The following PPP1R10 variants were observed in gnomAD, a reference collection of about 807,000 sequenced individuals.
The protein encoded by PPP1R10 is protein phosphatase 1 regulatory subunit 10.
In PPP1R10, 15 loss-of-function variants were observed where a neutral mutation model predicts 99.0. The observed-to-expected ratio is 0.15, with a 90% confidence interval of 0.10 to 0.23. PPP1R10 has a LOEUF of 0.23. Ranked by LOEUF, PPP1R10 falls within the 10% of genes least tolerant of loss-of-function variation. The pLI is 1.00. For missense variants in PPP1R10, 947 were observed against 1,259.4 expected, an observed-to-expected ratio of 0.75 and a Z score of 3.75; for synonymous variants, 430 against 449.5, an observed-to-expected ratio of 0.96 and a Z score of 0.55.
In PPP1R10 at chr6:30,604,091, G is replaced by C. The variant is rs142325327; in HGVS notation, c.1425C>G (p.Thr475=). ...RPLVLPSPLV[T]PGSNSQERYI... ...ATCGCTCCTGACTATTGCTTCCAGG[G>C]GTGACAAGAGGTGAGGGCAGAACCA... Residue 475 remains threonine, a synonymous_variant, in exon 14 of 20, where the codon ACC becomes ACG. Coordinates refer to ENST00000376511, the MANE Select transcript of PPP1R10 (RefSeq NM_002714.4). This position sits in a 1 kb window ranked among gnomAD's most constrained non-coding sequence, Gnocchi z 7.3. The C allele has an allele frequency of 6.2e-7, 1 of 1,613,892 alleles. No individual in the cohort carries two copies. Among genetic ancestry groups the C allele is most frequent in the Non-Finnish European group, 8.5e-7 (1 of 1,179,956 alleles).
Position 30,609,024 on chromosome 6 carries a change from GCC to G in PPP1R10, c.194+51_194+52del. On this transcript the variant is annotated intron_variant, in intron 4 of 19. Coordinates refer to ENST00000376511, the MANE Select transcript of PPP1R10 (RefSeq NM_002714.4). This position sits in a 1 kb window ranked among gnomAD's most constrained non-coding sequence, Gnocchi z 4.5. Reference sequence around the variant, plus strand: ...TGACCGAGGAACCCCATGCCTCACCGCCCCATCTTTTCGCTACACCTTCCCAT... The same window carrying G: ...TGACCGAGGAACCCCATGCCTCACCGCCATCTTTTCGCTACACCTTCCCAT... 3 of 1,611,216 alleles carry G rather than the reference GCC, an allele frequency of 1.9e-6. No homozygotes were observed. Among genetic ancestry groups the G allele is most frequent in the Non-Finnish European group, 2.5e-6 (3 of 1,177,586 alleles).
Position 30,601,922 on chromosome 6 carries a change from G to A in PPP1R10, c.2713+14C>T, listed in dbSNP as rs1468269417. On this transcript the variant is annotated intron_variant, in intron 19 of 19. Transcript: ENST00000376511. ...ACAACCAAAAGGCATATGGGGGACA[G>A]GGAGCATCCTCACCTCCTCCATGGC... 2.0e-6 allele frequency: 3 copies of A among 1,498,028 alleles called. No individual in the cohort carries two copies. The Admixed American group carries it at 7.1e-5, about 36-fold the overall frequency. The allele number at this position is 1,498,028 out of a possible 1,614,324, so 92.8% of individuals were successfully genotyped here. A position where few individuals can be genotyped will look rare whatever the true frequency, so the allele number is the denominator to read the frequency against.
intron 16 of PPP1R10, 74 bp from the exon 17 acceptor site, chr6:30,603,359 T>C: frequency 1.3e-6 from 2 of 1,577,380 alleles, no homozygotes; most frequent in South Asian, 1.1e-5. Context: ...CGCCAAAGAT[T>C]AGGGGTAAGT....
In PPP1R10 at chr6:30,606,607, T is replaced by C; in HGVS notation, c.495A>G (p.Lys165=). Residue 165 remains lysine (K), a synonymous_variant, in exon 8 of 20, where the codon AAA becomes AAG. Coordinates refer to ENST00000376511, the MANE Select transcript of PPP1R10 (RefSeq NM_002714.4). The surrounding 1 kb of genome is among the most constrained non-coding windows in gnomAD (Gnocchi z 6.3). The part of the protein sequence containing the change: ...KDKKKRKDEG[K]SRTTLPERPL... ...GTCGCTCAGGAAGGGTAGTTCGACTTTTTCCTTCATCTTTACGTTTCTTCT... is the reference window on the plus strand; with the variant it reads ...GTCGCTCAGGAAGGGTAGTTCGACTCTTTCCTTCATCTTTACGTTTCTTCT... The C allele has an allele frequency of 6.2e-7, 1 of 1,614,180 alleles. No individual in the cohort carries two copies. Among genetic ancestry groups the C allele is most frequent in the South Asian group, 1.1e-5 (1 of 91,084 alleles).
chr6:30,607,165 G>C (rs1485567679), intron 6 of PPP1R10, among the ~76,000 whole-genome samples: 1 of 152,206 alleles, frequency 6.6e-6, no homozygotes, highest in African/African-American at 2.4e-5. Flanking sequence ...GTTGGGTGCA[G>C]TGTACACTGC....
chr6:30,603,620 C>T lies in PPP1R10; in HGVS notation c.1619G>A (p.Gly540Glu), dbSNP rs570457598. 2.5e-6 allele frequency: 4 copies of T among 1,613,296 alleles called. No homozygotes were observed. The Admixed American group carries it at 5.0e-5, about 20-fold the overall frequency. The change falls in exon 16 of 20, where the codon GGG (glycine) becomes GAG (glutamate). Residue 540 changes from glycine (G) to glutamate (E), a missense_variant. Gly to Glu is a moderately conservative substitution (Grantham distance 98, BLOSUM62 -2). Coordinates refer to ENST00000376511, the MANE Select transcript of PPP1R10 (RefSeq NM_002714.4). Reference sequence around the variant, plus strand: ...CCCATCAGGTGAGCCACCTGACCCCCCAGGTTCCAGAGTCTCAACATACGG... The same window carrying T: ...CCCATCAGGTGAGCCACCTGACCCCTCAGGTTCCAGAGTCTCAACATACGG... ...ETPYVETLEPGGSGGSPDGAG... is the reference protein window; with the variant it reads ...ETPYVETLEPEGSGGSPDGAG...
Position 30,606,355 on chromosome 6 carries a change from G to T in PPP1R10, c.635-112C>A. The T allele has an allele frequency of 6.4e-7, 1 of 1,566,500 alleles. No individual in the cohort carries two copies. ...TAGCCTTGTAACCAAAGCTTCCTCT[G>T]CTAGTCTTCCCTCTTCCTTACGATT... On this transcript the variant is annotated intron_variant, in intron 8 of 19. Coordinates refer to ENST00000376511, the MANE Select transcript of PPP1R10 (RefSeq NM_002714.4). The surrounding 1 kb of genome is among the most constrained non-coding windows in gnomAD (Gnocchi z 6.3).
intron 2 of PPP1R10, among the ~76,000 whole-genome samples, chr6:30,615,974 C>G (rs1041038370): frequency 6.6e-6 from 1 of 152,184 alleles, no homozygotes; most frequent in African/African-American, 2.4e-5. Flanking sequence ...CTCTGCCCAT[C>G]TCCTTACCCT....
Position 30,604,805 on chromosome 6 carries a change from C to T in PPP1R10, c.955-70G>A. ...AGGGCAAGGCAATTAGTCCAGGGTC[C>T]CAGGCACAGTCCCCCAACAGTTCCT... On this transcript the variant is annotated intron_variant, in intron 11 of 19. Coordinates refer to ENST00000376511, the MANE Select transcript of PPP1R10 (RefSeq NM_002714.4). The surrounding 1 kb of genome is among the most constrained non-coding windows in gnomAD (Gnocchi z 7.3). 1 of 1,596,604 alleles carries T rather than the reference C, an allele frequency of 6.3e-7. No individual in the cohort carries two copies. Among genetic ancestry groups the T allele is most frequent in the Non-Finnish European group, 8.6e-7 (1 of 1,166,014 alleles).
Position 30,609,431 on chromosome 6 carries a change from G to A in PPP1R10, c.108-268C>T, listed in dbSNP as rs995585523. Reference sequence around the variant, plus strand: ...GATGAATTCCATTCTGCCTCCAGGTGATAAGGCTATCCCTCAACAACTGTC... The same window carrying A: ...GATGAATTCCATTCTGCCTCCAGGTAATAAGGCTATCCCTCAACAACTGTC... On this transcript the variant is annotated intron_variant, in intron 3 of 19. Transcript: ENST00000376511. The surrounding 1 kb of genome is among the most constrained non-coding windows in gnomAD (Gnocchi z 4.5). Among the ~76,000 whole-genome samples the A allele has an allele frequency of 6.6e-6, 1 of 152,196 alleles. No homozygotes were observed. Among genetic ancestry groups the A allele is most frequent in the Non-Finnish European group, 1.5e-5 (1 of 68,036 alleles).
intron 19 of PPP1R10, 121 bp downstream of exon 19, chr6:30,601,815 A>T: frequency 7.5e-7 from 1 of 1,333,610 alleles, no homozygotes; most frequent in Non-Finnish European, 1.0e-6. Flanking sequence ...GCATACTAGG[A>T]CATCAAAGAG....
chr6:30,603,540 C>T lies in PPP1R10; in HGVS notation c.1699G>A (p.Ala567Thr), dbSNP rs982263865. Residue 567 changes from alanine to threonine, a missense_variant, in exon 16 of 20, where the codon GCT becomes ACT. This residue lies in a region of PPP1R10 where 525 missense variants were observed against 578.8 expected (regional missense o/e 0.91). Transcript: ENST00000376511. ...CCAGGGCCTTGGGGGCCCTTTCCAG[C>T]ACCCATGCTTCCCATAAGATTGGCC... ...VLANLMGSMG[A>T]GKGPQGPGGG... The T allele has an allele frequency of 6.2e-7, 1 of 1,614,036 alleles. No homozygotes were observed. Among genetic ancestry groups the T allele is most frequent in the East Asian group, 2.2e-5 (1 of 44,872 alleles).
At position 30,600,609 on chromosome 6, in the gene PPP1R10, C is replaced by T. The variant is rs1359468310; in HGVS notation, c.*940G>A. ...GCAAAATCATCTTGTTGAATCCACC[C>T]AGGAAGGCGCCTGGTGGGGATTCAG... On this transcript the variant is annotated 3_prime_UTR_variant, in exon 20 of 20. Coordinates refer to ENST00000376511, the MANE Select transcript of PPP1R10 (RefSeq NM_002714.4). The T allele has an allele frequency of 1.3e-5, 2 of 152,572 alleles. No individual in the cohort carries two copies. The highest frequency in any genetic ancestry group is 1.9e-4 in the East Asian group (1 of 5,198). The allele number at this position is 152,572 out of a possible 1,614,324, so 9.5% of individuals were successfully genotyped here.
chr6:30,604,535 C>T lies in PPP1R10; in HGVS notation c.1103-24G>A. The T allele has an allele frequency of 6.2e-7, 1 of 1,612,864 alleles. No homozygotes were observed. The highest frequency in any genetic ancestry group is 8.5e-7 in the Non-Finnish European group (1 of 1,179,936). ...GGCTGGAAGCAGAAGAGGTTTCAGA[C>T]CCAGATCCCTCCTTTCAGAAAACCC... On this transcript the variant is annotated intron_variant, in intron 12 of 19. Transcript: ENST00000376511. The surrounding 1 kb of genome is among the most constrained non-coding windows in gnomAD (Gnocchi z 7.3).
chr6:30,607,264 A>G (rs972222995), intron 6 of PPP1R10, among the ~76,000 whole-genome samples: 12 of 152,204 alleles, frequency 7.9e-5, no homozygotes, highest in Non-Finnish European at 1.8e-4. Flanking sequence ...AAAAACTGAC[A>G]TTTTTTTAAA....
rs996258292 is a variant in PPP1R10, at chr6:30,605,836, G to A, written c.853+87C>T. The A allele has an allele frequency of 4.6e-6, 6 of 1,309,834 alleles. No individual in the cohort carries two copies. The African/African-American group carries it at 9.4e-5, about 21-fold the overall frequency. The allele number at this position is 1,309,834 out of a possible 1,614,324, so 81.1% of individuals were successfully genotyped here. A position where few individuals can be genotyped will look rare whatever the true frequency, so the allele number is the denominator to read the frequency against. On this transcript the variant is annotated intron_variant, in intron 10 of 19. Transcript: ENST00000376511. Reference sequence around the variant, plus strand: ...GACCGTGCCACTGCACTCCAGCCTGGGTGACAGAGTGAGACTCTGTCTCCA... The same window carrying A: ...GACCGTGCCACTGCACTCCAGCCTGAGTGACAGAGTGAGACTCTGTCTCCA...
In PPP1R10 at chr6:30,600,795, A is replaced by C. The variant is rs893028421; in HGVS notation, c.*754T>G. The C allele has an allele frequency of 6.6e-6, 1 of 152,570 alleles. No individual in the cohort carries two copies. The highest frequency in any genetic ancestry group is 2.4e-5 in the African/African-American group (1 of 41,422). 9.5% of individuals were successfully genotyped at this position (152,570 alleles called of 1,614,324 possible). A position where few individuals can be genotyped will look rare whatever the true frequency, so the allele number is the denominator to read the frequency against. On this transcript the variant is annotated 3_prime_UTR_variant, in exon 20 of 20. Transcript: ENST00000376511. ...GATGAGAAGCTGGTCTCACTGAAGT[A>C]TTTTATCAAGTCTCCAGACTGGCTA...
In PPP1R10 at chr6:30,606,715, A is replaced by C; in HGVS notation, c.460+64T>G. ...GTCAGAGGTGAAGCAGACTGGGAGC[A>C]CCTAAAGGCCACATCCCAATAGGAA... On this transcript the variant is annotated intron_variant, in intron 7 of 19. Transcript: ENST00000376511. The surrounding 1 kb of genome is among the most constrained non-coding windows in gnomAD (Gnocchi z 6.3). 1 of 1,609,692 alleles carries C rather than the reference A, an allele frequency of 6.2e-7. No individual in the cohort carries two copies. Among genetic ancestry groups the C allele is most frequent in the Non-Finnish European group, 8.5e-7 (1 of 1,175,990 alleles).
chr6:30,603,560 T>C lies in PPP1R10; in HGVS notation c.1679A>G (p.Asn560Ser). 1 of 1,614,016 alleles carries C rather than the reference T, an allele frequency of 6.2e-7. No individual in the cohort carries two copies. The highest frequency in any genetic ancestry group is 8.5e-7 in the Non-Finnish European group (1 of 1,179,976). ...TCCAGCACCCATGCTTCCCATAAGA[T>C]TGGCCAGAACTGGAGGCAACTTGGA... ...GGSKLPPVLA[N>S]LMGSMGAGKG... is the part of the protein sequence containing the mutation. Residue 560 changes from asparagine (N) to serine (S), a missense_variant, in exon 16 of 20, where the codon AAT (asparagine) becomes AGT (serine). Asn to Ser is a conservative substitution (Grantham distance 46, BLOSUM62 1). Around this residue, in one of 10 missense-constraint regions of PPP1R10, gnomAD observed 525 missense variants for 578.8 expected, o/e 0.91. Transcript: ENST00000376511.
Sources: allele counts gnomAD v4.1 joint callset (sites outside exome capture counted in the v4.1 genomes callset), GRCh38; gene constraint gnomAD v4.1.1; regional missense constraint gnomAD v4.1.1; non-coding constraint Gnocchi (gnomAD v3.1); transcripts MANE v1.5; gene names NCBI Gene and HGNC (gene_info 2026-07-23, HGNC 2026-07-21).